CYP27A1: variants seen among roughly 807,000 people sequenced by gnomAD.
CYP27A1 encodes cytochrome P450 family 27 subfamily A member 1, also known as sterol 26-hydroxylase, mitochondrial.
A neutral mutation model predicts 58.2 loss-of-function variants in CYP27A1; 46 were observed. The observed-to-expected ratio is 0.79, with a 90% CI of 0.62 to 1.01. CYP27A1 has a LOEUF of 1.01. CYP27A1 is among the 50% of genes least tolerant of loss of function. The probability of loss-of-function intolerance (pLI) is 0.00; values close to 1 mark genes in which losing one functional copy is unlikely to be tolerated. For synonymous variants in CYP27A1, 274 were observed against 285.1 expected, an observed-to-expected ratio of 0.96 and a Z score of 0.39; for missense variants, 704 against 687.0, an observed-to-expected ratio of 1.02 and a Z score of -0.28.
chr2:218,809,111 T>C (rs754733617), intron 1 of CYP27A1, among the ~76,000 whole-genome samples: 20 of 152,298 alleles, frequency 1.3e-4, no homozygotes, highest in Middle Eastern at 3.4e-3. Flanking sequence ...AGTCTTCTTT[T>C]TTCTTGTTGA....
At chr2:218,802,205 G>T (rs1218569983) in intron 1 of CYP27A1, among the ~76,000 whole-genome samples, 1 of 151,950 alleles carries the variant, frequency 6.6e-6, no homozygotes, top group Non-Finnish European at 1.5e-5. Flanking sequence ...AGCAGCAGGG[G>T]CCACGTGCGT....
At chr2:218,799,845 C>T (rs113603226) in intron 1 of CYP27A1, among the ~76,000 whole-genome samples, 351 of 152,018 alleles carry the variant, frequency 2.3e-3, no homozygotes, top group African/African-American at 8.2e-3. Context: ...GCCCCAATGA[C>T]TTGTGCCCAG....
chr2:218,812,617 G>A lies in CYP27A1; in HGVS notation c.712G>A (p.Val238Met), dbSNP rs199691576. The A allele has an allele frequency of 2.4e-4, 385 of 1,614,220 alleles. 3 individuals carry two copies. The East Asian group carries it at 7.5e-3, about 31-fold the overall frequency. ...CLQRSIPEDT[V>M]TFVRSIGLMF... ...GCAGCGATCCATCCCCGAGGACACC[G>A]TGACCTTCGTCAGATCCATCGGGTT... The change falls in exon 4 of 9, where the codon GTG becomes ATG. Residue 238 changes from valine (V) to methionine (M), a missense_variant. By Grantham distance (21) the Val-to-Met change is conservative. Transcript: ENST00000258415.
intron 1 of CYP27A1, among the ~76,000 whole-genome samples, chr2:218,789,504 T>A (rs773225722): frequency 1.3e-4 from 20 of 152,338 alleles, no homozygotes; most frequent in Middle Eastern, 3.4e-3. Context: ...ACAGCCGGAT[T>A]GATTACAGCT....
rs781360671 is a variant in CYP27A1, at chr2:218,814,654, C to T, written c.1373C>T (p.Pro458Leu). The T allele has an allele frequency of 6.2e-6, 10 of 1,614,134 alleles. No individual in the cohort carries two copies. The highest frequency in any genetic ancestry group is 1.7e-5 in the Admixed American group (1 of 60,018). Residue 458 changes from proline (P) to leucine (L), a missense_variant, in exon 8 of 9, where the codon CCC (proline) becomes CTC (leucine). Pro to Leu is a moderately conservative substitution (Grantham distance 98). Transcript: ENST00000258415. ...CTGAGAAACAGCCAGCCTGCTACCC[C>T]CAGGATCCAGCACCCATTTGGCTCT... ...RWLRNSQPATPRIQHPFGSVP... is the reference protein window; with the variant it reads ...RWLRNSQPATLRIQHPFGSVP...
chr2:218,805,405 A>G (rs976133461), intron 1 of CYP27A1, among the ~76,000 whole-genome samples: 3 of 152,204 alleles, frequency 2.0e-5, no homozygotes, highest in African/African-American at 7.2e-5. Flanking sequence ...TGTGCCCAAC[A>G]ATTTGGGATG....
chr2:218,794,011 AGGGTGAGAAAAATGGAATTTATT>A (rs1943522189), intron 1 of CYP27A1, among the ~76,000 whole-genome samples: 1 of 152,214 alleles, frequency 6.6e-6, no homozygotes, highest in South Asian at 2.1e-4. Flanking sequence ...GACACATAGA[AGGGTGAGAAAAATGGAATTTATT>A]GGGTGAAAAG....
intron 1 of CYP27A1, among the ~76,000 whole-genome samples, chr2:218,785,957 G>A (rs1414082904): frequency 1.3e-5 from 2 of 152,128 alleles, no homozygotes. Flanking sequence ...TGTCCTTCAG[G>A]TGTATTTATT....
intron 2 of CYP27A1, among the ~76,000 whole-genome samples, chr2:218,811,198 C>T (rs1559391972): frequency 1.3e-5 from 2 of 152,100 alleles, no homozygotes; most frequent in South Asian, 2.1e-4. Context: ...TAATACTCAC[C>T]GTGGAAATTC....
intron 1 of CYP27A1, among the ~76,000 whole-genome samples, chr2:218,789,899 C>G (rs892775121): frequency 2.0e-5 from 3 of 152,104 alleles, no homozygotes; most frequent in African/African-American, 7.2e-5. Flanking sequence ...GTAGAGGGTA[C>G]CTCCTTATGG....
At chr2:218,790,390 A>G (rs1943480402) in intron 1 of CYP27A1, among the ~76,000 whole-genome samples, 1 of 152,236 alleles carries the variant, frequency 6.6e-6, no homozygotes, top group Non-Finnish European at 1.5e-5. Context: ...AGTTTGGACT[A>G]TGCTCCTTAG....
chr2:218,798,632 C>T (rs1028654582), intron 1 of CYP27A1, among the ~76,000 whole-genome samples: 2 of 152,134 alleles, frequency 1.3e-5, no homozygotes, highest in Admixed American at 6.5e-5. Flanking sequence ...CCTGTAATCC[C>T]AGCACTTTGG....
At chr2:218,796,334 T>C (rs1045445920) in intron 1 of CYP27A1, among the ~76,000 whole-genome samples, 1 of 152,250 alleles carries the variant, frequency 6.6e-6, no homozygotes, top group African/African-American at 2.4e-5. Flanking sequence ...GGCTCACGCC[T>C]GTAATCCCAG....
chr2:218,802,256 G>A (rs1370366971), intron 1 of CYP27A1, among the ~76,000 whole-genome samples: 3 of 151,238 alleles, frequency 2.0e-5, no homozygotes, highest in Non-Finnish European at 4.4e-5. Context: ...CCAAGTGTGC[G>A]CTCACCATTG....
chr2:218,783,113 C>T (rs894731958), intron 1 of CYP27A1, among the ~76,000 whole-genome samples: 1 of 151,594 alleles, frequency 6.6e-6, no homozygotes, highest in African/African-American at 2.4e-5. Context: ...AAACATTAGC[C>T]GGGCATGGTG....
rs1013824720 is a variant in CYP27A1 at position 218,782,150 on chromosome 2, C to A, written c.-33C>A. The A allele has an allele frequency of 4.6e-6, 7 of 1,532,412 alleles. No homozygotes were observed. The African/African-American group carries it at 5.5e-5, about 12-fold the overall frequency. The allele number at this position is 1,532,412 out of a possible 1,614,324, so 94.9% of individuals were successfully genotyped here. On this transcript the variant is annotated 5_prime_UTR_variant, in exon 1 of 9. Coordinates refer to ENST00000258415, the MANE Select transcript of CYP27A1 (RefSeq NM_000784.4). This position sits in a 1 kb window ranked among gnomAD's most constrained non-coding sequence, Gnocchi z 4.1. ...TGGGCGGGTCCGGGGACTCAGCACT[C>A]GACCCAAAGGTGCAGGCGCGCGAGC...
intron 1 of CYP27A1, among the ~76,000 whole-genome samples, chr2:218,784,125 C>T (rs1943420660): frequency 1.3e-5 from 2 of 152,104 alleles, no homozygotes; most frequent in South Asian, 4.1e-4. Flanking sequence ...GAAGATGACT[C>T]TGAGGGCAAC....
intron 8 of CYP27A1, 74 bp from the exon 9 acceptor site, chr2:218,814,837 G>A (rs1038115413): frequency 6.2e-7 from 1 of 1,613,400 alleles, no homozygotes; most frequent in African/African-American, 1.3e-5. Flanking sequence ...GAGGCACAGG[G>A]TAGGAGTGTG....
At chr2:218,788,113 A>G (rs1057021365) in intron 1 of CYP27A1, among the ~76,000 whole-genome samples, 1 of 152,254 alleles carries the variant, frequency 6.6e-6, no homozygotes, top group Non-Finnish European at 1.5e-5. Flanking sequence ...AAGTGAGGCC[A>G]TATGTCTGGG....
Sources: allele counts gnomAD v4.1 joint callset (sites outside exome capture counted in the v4.1 genomes callset), GRCh38; gene constraint gnomAD v4.1.1; non-coding constraint Gnocchi (gnomAD v3.1); transcripts MANE v1.5; gene names NCBI Gene and HGNC (gene_info 2026-07-23, HGNC 2026-07-21).